ERC1: variants seen among roughly 807,000 people sequenced by gnomAD.
ERC1 encodes ELKS/RAB6-interacting/CAST family member 1.
A neutral mutation model predicts 132.0 loss-of-function variants in ERC1; 56 were observed. The observed-to-expected ratio is 0.42, with a 90% confidence interval of 0.34 to 0.53. The LOEUF (loss-of-function observed/expected upper bound fraction) is 0.53. ERC1 is among the 20% of genes least tolerant of loss of function. The pLI is 0.03. For missense variants in ERC1, 1,202 were observed against 1,349.9 expected (o/e 0.89, Z 1.72); for synonymous variants, 478 against 476.1 (o/e 1.00, Z -0.05).
intron 8 of ERC1, among the ~76,000 whole-genome samples, chr12:1,169,862 A>G (rs1002726156): frequency 6.6e-6 from 1 of 152,188 alleles, no homozygotes; most frequent in Non-Finnish European, 1.5e-5. Flanking sequence ...TTGGTTACAC[A>G]TTATGAACTT....
intron 15 of ERC1, among the ~76,000 whole-genome samples, chr12:1,345,232 G>A (rs1566640560): frequency 7.0e-6 from 1 of 142,708 alleles, no homozygotes; most frequent in Non-Finnish European, 1.5e-5. Flanking sequence ...CCAGGCTGGA[G>A]TGCAGTGGCG....
At chr12:1,153,779 T>A (rs1034401251) in intron 8 of ERC1, among the ~76,000 whole-genome samples, 1 of 152,224 alleles carries the variant, frequency 6.6e-6, no homozygotes, top group Non-Finnish European at 1.5e-5. Flanking sequence ...GGGCCCTCCT[T>A]TCTTCACATG....
At chr12:1,300,333 CTT>C (rs2080292595) in intron 15 of ERC1, among the ~76,000 whole-genome samples, 2 of 152,278 alleles carry the variant, frequency 1.3e-5, no homozygotes, top group African/African-American at 4.8e-5. Context: ...GGATTAAAGA[CTT>C]AAATGTAAAA....
At position 1,440,285 on chromosome 12, in the gene ERC1, A is replaced by G. The variant is rs1220997399; in HGVS notation, c.3025-4277A>G. Among the ~76,000 whole-genome samples, 14 of 142,600 alleles carry G rather than the reference A, an allele frequency of 9.8e-5. 1 individual carries two copies. The highest frequency in any genetic ancestry group is 6.1e-4 in the East Asian group (3 of 4,906). The allele number at this position is 142,600 out of a possible 152,430, so 93.6% of individuals were successfully genotyped here. A position where few individuals can be genotyped will look rare whatever the true frequency, so the allele number is the denominator to read the frequency against. ...AGTGGTGCCATCTCGGCTCACTGCAAGCTCCGCCTCCTGGGTTCACGCCAT... is the reference window on the plus strand; with the variant it reads ...AGTGGTGCCATCTCGGCTCACTGCAGGCTCCGCCTCCTGGGTTCACGCCAT... On this transcript the variant is annotated intron_variant, in intron 17 of 18. Transcript: ENST00000360905.
chr12:1,243,207 G>T (rs11061673), intron 13 of ERC1, among the ~76,000 whole-genome samples: 2 of 138,986 alleles, frequency 1.4e-5, no homozygotes, highest in Admixed American at 1.5e-4. Context: ...AAAAAAAAAA[G>T]AAAAAAAAAA....
chr12:1,265,593 A>G (rs2154327488), intron 14 of ERC1, among the ~76,000 whole-genome samples: 1 of 152,286 alleles, frequency 6.6e-6, no homozygotes, highest in South Asian at 2.1e-4. Context: ...TGTGGTCCAT[A>G]GTTGAGGGTT....
intron 7 of ERC1, among the ~76,000 whole-genome samples, chr12:1,138,277 A>G (rs1227496269): frequency 7.4e-6 from 1 of 135,900 alleles, no homozygotes; most frequent in East Asian, 2.1e-4. Flanking sequence ...TATAATTACA[A>G]TATATGATAT....
At chr12:1,144,614 GTATA>G (rs142846830) in intron 8 of ERC1, among the ~76,000 whole-genome samples, 11 of 132,250 alleles carry the variant, frequency 8.3e-5, no homozygotes, top group Non-Finnish European at 9.4e-5. Context: ...GAATTTTGTG[GTATA>G]TATATATATA....
chr12:1,012,632 T>C (rs947854194), intron 1 of ERC1, among the ~76,000 whole-genome samples: 1 of 151,934 alleles, frequency 6.6e-6, no homozygotes, highest in African/African-American at 2.4e-5. Flanking sequence ...CTAATTGTAT[T>C]TTTAGTAGAG....
intron 8 of ERC1, among the ~76,000 whole-genome samples, chr12:1,171,298 G>A (rs1429725301): frequency 3.3e-5 from 5 of 151,270 alleles, no homozygotes; most frequent in East Asian, 3.9e-4. Flanking sequence ...GCTTCTCATC[G>A]CTGGAAACAA....
Position 1,289,959 on chromosome 12 carries a change from G to A in ERC1, c.2727G>A (p.Leu909=). 6.2e-7 allele frequency: 1 copy of A among 1,614,098 alleles called. No individual in the cohort carries two copies. Among genetic ancestry groups the A allele is most frequent in the Middle Eastern group, 1.6e-4 (1 of 6,062 alleles). The change falls in exon 15 of 19, where the codon TTG becomes TTA. Residue 909 remains leucine (L), a synonymous_variant. Transcript: ENST00000360905. The part of the protein sequence containing the change: ...QQSLAEKETH[L]TNLRAERRKH... ...CTCTGGCAGAAAAGGAAACTCACTT[G>A]ACTAATCTTCGGGCAGAGAGAAGGA...
chr12:1,481,567 A>ATAC lies in ERC1; in HGVS notation c.3214-8524_3214-8522dup, dbSNP rs145234557. ...CCCTGCTCAGCTGTGCCCACATGTA[A>ATAC]TACTGCTTTCAGATAAAATTTGAAC... is the stretch of plus-strand genomic sequence containing the variant. On this transcript the variant is annotated intron_variant, in intron 18 of 18. Coordinates refer to ENST00000360905, the MANE Select transcript of ERC1 (RefSeq NM_178040.4). Among the ~76,000 whole-genome samples, 711 of 152,344 alleles carry ATAC rather than the reference A, an allele frequency of 4.7e-3. 4 individuals carry two copies. Among genetic ancestry groups the ATAC allele is most frequent in the African/African-American group, 0.016 (683 of 41,596 alleles).
At chr12:1,190,229 G>C (rs1170795995) in intron 12 of ERC1, 177 bp downstream of exon 12, 4 of 745,306 alleles carry the variant, frequency 5.4e-6, no homozygotes, top group Non-Finnish European at 9.9e-6. Flanking sequence ...TGAGGTGTCT[G>C]AAAGGCAACA....
At chr12:1,405,258 A>G (rs372190980) in intron 16 of ERC1, among the ~76,000 whole-genome samples, 1 of 150,924 alleles carries the variant, frequency 6.6e-6, no homozygotes, top group African/African-American at 2.4e-5. Flanking sequence ...CCTCCCAGAA[A>G]AGAGAAATTT....
intron 8 of ERC1, among the ~76,000 whole-genome samples, chr12:1,142,852 T>A (rs552290320): frequency 2.2e-4 from 33 of 152,358 alleles, no homozygotes; most frequent in African/African-American, 7.2e-4. Context: ...CTCTTCCCAA[T>A]TTAAAAATTA....
Position 1,094,023 on chromosome 12 carries a change from T to A in ERC1, c.1086+10443T>A, listed in dbSNP as rs1332089303. ...AAATGAATAGGAATTTAAAAAGAAA[T>A]TTTTTTTTTTTTTGAGACATAGTGT... On this transcript the variant is annotated intron_variant, in intron 3 of 18. Coordinates refer to ENST00000360905, the MANE Select transcript of ERC1 (RefSeq NM_178040.4). Among the ~76,000 whole-genome samples the A allele has an allele frequency of 3.0e-4, 20 of 66,276 alleles. No individual in the cohort carries two copies. In the Admixed American group the frequency reaches 3.4e-3, roughly 11 times the overall value. 43.5% of individuals were successfully genotyped at this position (66,276 alleles called of 152,430 possible).
chr12:1,298,614 A>T (rs2080163421), intron 15 of ERC1, among the ~76,000 whole-genome samples: 1 of 151,978 alleles, frequency 6.6e-6, no homozygotes, highest in East Asian at 1.9e-4. Flanking sequence ...ATGCAATGCT[A>T]AAAATTGTTT....
chr12:1,442,076 C>A (rs908745468), intron 17 of ERC1, among the ~76,000 whole-genome samples: 7 of 152,084 alleles, frequency 4.6e-5, no homozygotes, highest in Non-Finnish European at 7.4e-5. Flanking sequence ...TACAGGCGCA[C>A]GCCACCATGC....
chr12:990,074 TG>T (rs957452697), upstream of ERC1: 9 of 152,088 alleles, frequency 5.9e-5, no homozygotes, highest in Admixed American at 3.9e-4. Flanking sequence ...CCGGGCAGGA[TG>T]AAACAGTAGA....
Sources: allele counts gnomAD v4.1 joint callset (sites outside exome capture counted in the v4.1 genomes callset), GRCh38; gene constraint gnomAD v4.1.1; transcripts MANE v1.5; gene names NCBI Gene and HGNC (gene_info 2026-07-23, HGNC 2026-07-21).